Variants in GAS7 observed in about 807,000 individuals in gnomAD.
GAS7 encodes the protein growth arrest-specific protein 7.
A neutral mutation model predicts 71.1 loss-of-function variants in GAS7; 28 were observed. The observed-to-expected ratio is 0.39, with a 90% CI of 0.29 to 0.54. The LOEUF is 0.54. Ranked by LOEUF, GAS7 falls within the 20% of genes least tolerant of loss-of-function variation. The probability of loss-of-function intolerance (pLI) is 0.62; values close to 1 mark genes in which losing one functional copy is unlikely to be tolerated. For synonymous variants in GAS7, 258 were observed against 245.8 expected, an observed-to-expected ratio of 1.05 and a Z score of -0.46; for missense variants, 436 against 627.8, an observed-to-expected ratio of 0.69 and a Z score of 3.27.
intron 1 of GAS7, among the ~76,000 whole-genome samples, chr17:10,027,960 T>C (rs548177690): frequency 2.0e-4 from 30 of 152,204 alleles, no homozygotes; most frequent in Non-Finnish European, 4.0e-4. Flanking sequence ...CTCGGCTCAC[T>C]ACAACCTCCG....
At chr17:10,086,158 A>G (rs1190633115) in intron 1 of GAS7, among the ~76,000 whole-genome samples, 3 of 152,252 alleles carry the variant, frequency 2.0e-5, no homozygotes, top group African/African-American at 7.2e-5. Context: ...GGAATGGTGT[A>G]GGAAACATCC....
At chr17:10,134,290 C>A (rs2074021990) in intron 1 of GAS7, among the ~76,000 whole-genome samples, 1 of 152,138 alleles carries the variant, frequency 6.6e-6, no homozygotes, top group African/African-American at 2.4e-5. Flanking sequence ...CTCGGCCTCC[C>A]AAAGTGCTGG....
At position 9,918,011 on chromosome 17, in the gene GAS7, A is replaced by G. The variant is rs2067649959; in HGVS notation, c.1307T>C (p.Phe436Ser). The G allele has an allele frequency of 6.2e-7, 1 of 1,612,610 alleles. No individual in the cohort carries two copies. The highest frequency in any genetic ancestry group is 2.2e-5 in the East Asian group (1 of 44,854). ...GGGCTGGAAACTCACGCTTTGGTTG[A>G]ACATGTCTGTTTCATGCCGCAGCTG... ...YTQLRHETDM[F>S]NQSTVEPVDQ... Residue 436 changes from phenylalanine (F) to serine (S), a missense_variant, in exon 13 of 14, where the codon TTC becomes TCC. Transcript: ENST00000432992.
At position 9,945,777 on chromosome 17, in the gene GAS7, C is replaced by T. The variant is rs565293265; in HGVS notation, c.615+1117G>A. 4.0e-4 allele frequency among the ~76,000 whole-genome samples: 61 copies of T among 151,836 alleles called. No individual in the cohort carries two copies. In the South Asian group the frequency reaches 8.2e-3, roughly 20 times the overall value. ...CCTGAGGTCAGGAGATTGAGACCAG[C>T]CTGGCCAACATGATGAAATCCTGTC... On this transcript the variant is annotated intron_variant, in intron 6 of 13. Transcript: ENST00000432992.
intron 1 of GAS7, among the ~76,000 whole-genome samples, chr17:10,055,017 G>T (rs1165164638): frequency 6.6e-6 from 1 of 152,160 alleles, no homozygotes; most frequent in Non-Finnish European, 1.5e-5. Context: ...ACAGGTTAAG[G>T]AATGAGGCAA....
intron 1 of GAS7, among the ~76,000 whole-genome samples, chr17:10,125,575 G>T (rs2073939038): frequency 2.0e-5 from 3 of 146,564 alleles, no homozygotes; most frequent in South Asian, 2.2e-4. Context: ...TGTATAATAT[G>T]ATCATAAAAG....
intron 8 of GAS7, among the ~76,000 whole-genome samples, chr17:9,934,956 G>A (rs1011098672): frequency 5.3e-5 from 8 of 152,102 alleles, no homozygotes; most frequent in African/African-American, 1.9e-4. Flanking sequence ...GGCCGGTCTC[G>A]AACTCCTGAC....
intron 1 of GAS7, among the ~76,000 whole-genome samples, chr17:10,090,599 C>T (rs1335543861): frequency 2.6e-5 from 4 of 152,082 alleles, no homozygotes; most frequent in Non-Finnish European, 4.4e-5. Context: ...GCAGCTCACT[C>T]GTGGCTTTCA....
chr17:10,039,240 C>A (rs1330540111), intron 1 of GAS7, among the ~76,000 whole-genome samples: 1 of 129,614 alleles, frequency 7.7e-6, no homozygotes, highest in Non-Finnish European at 1.7e-5. Flanking sequence ...AAAAAAAAAG[C>A]CCCCAAGACC....
intron 1 of GAS7, among the ~76,000 whole-genome samples, chr17:10,022,746 C>T (rs1436193097): frequency 5.3e-5 from 8 of 152,228 alleles, no homozygotes; most frequent in Non-Finnish European, 1.2e-4. Context: ...AGTCCGTCTA[C>T]GGCGATACGG....
At chr17:10,179,712 C>T (rs183106434) in intron 1 of GAS7, among the ~76,000 whole-genome samples, 1 of 152,216 alleles carries the variant, frequency 6.6e-6, no homozygotes, top group African/African-American at 2.4e-5. Flanking sequence ...AAACAGGGAC[C>T]TGATGGTGCT....
intron 2 of GAS7, among the ~76,000 whole-genome samples, chr17:9,991,400 G>C (rs2070837790): frequency 6.6e-6 from 1 of 152,290 alleles, no homozygotes; most frequent in Non-Finnish European, 1.5e-5. Flanking sequence ...AATCTTGGTG[G>C]GGAGCAGGGG....
intron 1 of GAS7, among the ~76,000 whole-genome samples, chr17:10,185,466 C>G (rs2074445146): frequency 6.6e-6 from 1 of 152,134 alleles, no homozygotes; most frequent in Non-Finnish European, 1.5e-5. Context: ...TCAGAGCAAT[C>G]CTGGGAAACT....
At chr17:10,170,696 T>TA (rs1421453965) in intron 1 of GAS7, among the ~76,000 whole-genome samples, 1 of 152,234 alleles carries the variant, frequency 6.6e-6, no homozygotes, top group Non-Finnish European at 1.5e-5. Flanking sequence ...TTACTACTAC[T>TA]ACATCTCCTA....
intron 1 of GAS7, among the ~76,000 whole-genome samples, chr17:10,104,752 A>G (rs946955652): frequency 1.3e-5 from 2 of 152,082 alleles, no homozygotes; most frequent in African/African-American, 4.8e-5. Flanking sequence ...CCTCTCACCT[A>G]TCAGTTCTAT....
chr17:9,950,423 GA>G, intron 5 of GAS7, among the ~76,000 whole-genome samples: 1 of 152,202 alleles, frequency 6.6e-6, no homozygotes, highest in Admixed American at 6.5e-5. Context: ...GAAGCAGGAG[GA>G]TCTCTTGAGC....
chr17:9,918,604 G>T (rs1483997707), intron 12 of GAS7, among the ~76,000 whole-genome samples: 1 of 152,200 alleles, frequency 6.6e-6, no homozygotes, highest in Non-Finnish European at 1.5e-5. Flanking sequence ...ACACATTCCT[G>T]GGACCTTGTC....
chr17:9,984,430 T>C (rs2152133989), intron 2 of GAS7, among the ~76,000 whole-genome samples: 1 of 152,074 alleles, frequency 6.6e-6, no homozygotes, highest in East Asian at 1.9e-4. Context: ...GAAAACAGAA[T>C]TGAGGGTGAT....
intron 1 of GAS7, among the ~76,000 whole-genome samples, chr17:10,162,392 G>A (rs1281581646): frequency 4.0e-5 from 6 of 148,606 alleles, no homozygotes; most frequent in Admixed American, 2.7e-4. Context: ...GTTACTTCCT[G>A]AATTTATTTA....
Sources: gnomAD v4.1 joint callset for allele counts (sites outside exome capture counted in the v4.1 genomes callset) on GRCh38, gnomAD v4.1.1 for gene constraint, MANE v1.5 for transcripts, NCBI Gene and HGNC (gene_info 2026-07-23, HGNC 2026-07-21) for gene names.